ATP13A5: variants seen among roughly 807,000 people sequenced by gnomAD.
ATP13A5 encodes ATPase 13A5.
A neutral mutation model predicts 150.2 loss-of-function variants in ATP13A5; 149 were observed. The observed-to-expected ratio is 0.99, with a 90% CI of 0.87 to 1.14. ATP13A5 has a LOEUF of 1.14. Ranked by LOEUF, ATP13A5 falls within the 50% of genes most tolerant of loss-of-function variation. The pLI, the probability that ATP13A5 is intolerant of heterozygous loss-of-function variation, is 0.00. For synonymous variants in ATP13A5, 497 were observed against 522.2 expected, an observed-to-expected ratio of 0.95 and a Z score of 0.66; for missense variants, 1,383 against 1,449.3, an observed-to-expected ratio of 0.95 and a Z score of 0.74.
chr3:193,372,731 C>T (rs1285833486), intron 1 of ATP13A5, among the ~76,000 whole-genome samples: 5 of 152,162 alleles, frequency 3.3e-5, no homozygotes, highest in Non-Finnish European at 2.9e-5. Flanking sequence ...ACTACCAAAC[C>T]CAAGTCACTG....
chr3:193,293,739 T>C (rs570958847), intron 25 of ATP13A5, among the ~76,000 whole-genome samples: 17 of 152,250 alleles, frequency 1.1e-4, no homozygotes, highest in African/African-American at 4.1e-4. Flanking sequence ...ATGCAGAATT[T>C]CAAATGGGTA....
chr3:193,285,499 T>G (rs1283593389), intron 26 of ATP13A5, among the ~76,000 whole-genome samples: 2 of 152,174 alleles, frequency 1.3e-5, no homozygotes, highest in Non-Finnish European at 2.9e-5. Flanking sequence ...CCTATTTACT[T>G]CCCTCAGATA....
intron 12 of ATP13A5, among the ~76,000 whole-genome samples, chr3:193,330,556 T>C (rs1553817072): frequency 6.6e-6 from 1 of 152,160 alleles, no homozygotes; most frequent in Non-Finnish European, 1.5e-5. Context: ...ACTCACGTCA[T>C]GGGGGGGTGT....
rs776857987 is a variant in ATP13A5, at chr3:193,333,859, C to T, written c.1163G>A (p.Arg388Gln). Residue 388 changes from arginine to glutamine, a missense_variant, in exon 11 of 30, where the codon CGG (arginine) becomes CAG (glutamine). Arg to Gln is a conservative substitution (Grantham distance 43, BLOSUM62 1). This residue lies in a region of ATP13A5 where 787 missense variants were observed against 771.9 expected (regional missense o/e 1.02). Coordinates refer to ENST00000342358, the MANE Select transcript of ATP13A5 (RefSeq NM_198505.4). ...GDLVRSILYP[R>Q]PLNFKLYSDA... ...GCTGTATAGTTTGAAGTTCAGAGGC[C>T]GGGGGTACAGGATGGATCTCACTAA... 15 of 1,613,714 alleles carry T rather than the reference C, an allele frequency of 9.3e-6. No homozygotes were observed. The highest frequency in any genetic ancestry group is 1.3e-5 in the African/African-American group (1 of 74,886).
At chr3:193,352,604 G>A (rs373828279) in intron 6 of ATP13A5, among the ~76,000 whole-genome samples, 4 of 152,092 alleles carry the variant, frequency 2.6e-5, no homozygotes, top group Admixed American at 6.5e-5. Flanking sequence ...ATTTGAAAAC[G>A]TACTTGACGT....
At chr3:193,281,221 GGAA>G (rs1717480122) in intron 27 of ATP13A5, 1 of 985,302 alleles carries the variant, frequency 1.0e-6, no homozygotes, top group African/African-American at 1.7e-5. Flanking sequence ...GCAGAAGCTG[GGAA>G]GAAGAGGACG....
At chr3:193,275,692 A>C (rs79019534) in intron 29 of ATP13A5, among the ~76,000 whole-genome samples, 1,601 of 152,302 alleles carry the variant, frequency 0.011, 54 homozygotes, top group East Asian at 0.072. Context: ...TTTGTTGAAT[A>C]AAGTGTTGAG....
chr3:193,362,567 C>A lies in ATP13A5; in HGVS notation c.455G>T (p.Gly152Val), dbSNP rs553434720. The change falls in exon 4 of 30, where the codon GGG (glycine) becomes GTG (valine). Residue 152 changes from glycine to valine, a missense_variant and splice_region_variant. Around this residue, in one of 3 missense-constraint regions of ATP13A5, gnomAD observed 787 missense variants for 771.9 expected, o/e 1.02. Coordinates refer to ENST00000342358, the MANE Select transcript of ATP13A5 (RefSeq NM_198505.4). ...AGGGGTGACAAAACATTGTACTTAC[C>A]CAACTTTCTGAAACCGCTTCTCCAG... Reference protein sequence around the residue: ...NDLEKRFQKVGLLEDSNSCSD... With the variant: ...NDLEKRFQKVVLLEDSNSCSD... 2 of 1,614,084 alleles carry A rather than the reference C, an allele frequency of 1.2e-6. No homozygotes were observed. Among genetic ancestry groups the A allele is most frequent in the African/African-American group, 1.3e-5 (1 of 75,034 alleles).
At chr3:193,356,507 G>C (rs1201242850) in intron 5 of ATP13A5, among the ~76,000 whole-genome samples, 1 of 152,120 alleles carries the variant, frequency 6.6e-6, no homozygotes, top group Non-Finnish European at 1.5e-5. Context: ...CTACTTGGGA[G>C]GCTGAGGCAG....
intron 17 of ATP13A5, 52 bp downstream of exon 17, chr3:193,318,939 C>G: frequency 7.7e-7 from 1 of 1,294,672 alleles, no homozygotes; most frequent in Non-Finnish European, 1.1e-6. Flanking sequence ...CTCCAGGACT[C>G]GCACTTCATG....
chr3:193,280,065 T>C (rs1237728989), intron 27 of ATP13A5, among the ~76,000 whole-genome samples: 3 of 150,994 alleles, frequency 2.0e-5, no homozygotes, highest in Non-Finnish European at 4.4e-5. Context: ...TTTTCTTTCC[T>C]TTTTTTTGAG....
chr3:193,373,895 CA>C (rs1713540451), intron 1 of ATP13A5, among the ~76,000 whole-genome samples: 1 of 152,164 alleles, frequency 6.6e-6, no homozygotes, highest in Non-Finnish European at 1.5e-5. Context: ...TTGTCCACAC[CA>C]AGCAGCCATT....
intron 12 of ATP13A5, among the ~76,000 whole-genome samples, chr3:193,327,314 T>G (rs548891461): frequency 1.3e-5 from 2 of 152,244 alleles, no homozygotes; most frequent in South Asian, 2.1e-4. Flanking sequence ...AAGTGTTTTG[T>G]TTTGGTTTGG....
At chr3:193,305,018 AG>A (rs1718555548) in intron 23 of ATP13A5, among the ~76,000 whole-genome samples, 1 of 53,298 alleles carries the variant, frequency 1.9e-5, no homozygotes, top group Non-Finnish European at 6.4e-5. Flanking sequence ...CCCATGATCC[AG>A]TCAACAGGCT....
chr3:193,373,626 C>T (rs1008122921), intron 1 of ATP13A5, among the ~76,000 whole-genome samples: 6 of 152,096 alleles, frequency 3.9e-5, no homozygotes, highest in African/African-American at 7.2e-5. Context: ...ACTCTTGATC[C>T]CTTGTACATA....
chr3:193,354,907 T>G (rs1712718750), intron 5 of ATP13A5, among the ~76,000 whole-genome samples: 1 of 151,006 alleles, frequency 6.6e-6, no homozygotes, highest in African/African-American at 2.4e-5. Flanking sequence ...TAGCCAAAAT[T>G]GCACACATCT....
rs199847691 is a variant in ATP13A5 at position 193,336,911 on chromosome 3, T to G, written c.944-1812A>C. 1.6e-4 allele frequency among the ~76,000 whole-genome samples: 25 copies of G among 152,322 alleles called. No homozygotes were observed. In the East Asian group the frequency reaches 4.4e-3, roughly 27 times the overall value. ...TCTCCAGCACCTGTTGTTTCCTGACTTTTTAATGATTGCCATTCTAACTGG... is the reference window on the plus strand; with the variant it reads ...TCTCCAGCACCTGTTGTTTCCTGACGTTTTAATGATTGCCATTCTAACTGG... On this transcript the variant is annotated intron_variant, in intron 9 of 29. Transcript: ENST00000342358.
chr3:193,333,288 C>A (rs1449458523), intron 11 of ATP13A5, among the ~76,000 whole-genome samples: 2 of 152,090 alleles, frequency 1.3e-5, no homozygotes, highest in Non-Finnish European at 2.9e-5. Flanking sequence ...TCTTCCTCCC[C>A]ACCAGCTCAC....
intron 9 of ATP13A5, 61 bp from the exon 10 acceptor site, chr3:193,335,160 C>T: frequency 6.7e-7 from 1 of 1,503,598 alleles, no homozygotes; most frequent in Non-Finnish European, 9.2e-7. Context: ...AGAACTGGTG[C>T]ATGCCAGTTT....
Sources: allele counts gnomAD v4.1 joint callset (sites outside exome capture counted in the v4.1 genomes callset), GRCh38; gene constraint gnomAD v4.1.1; regional missense constraint gnomAD v4.1.1; transcripts MANE v1.5; gene names NCBI Gene and HGNC (gene_info 2026-07-23, HGNC 2026-07-21).